Variants in NTM observed in about 807,000 individuals in gnomAD.
The protein encoded by NTM is IgLON family member 2.
Under a neutral mutation model 42.1 loss-of-function variants are expected in NTM, and 13 were observed. The ratio of observed to expected loss-of-function variants is 0.31; its 90% confidence interval spans 0.20 to 0.49. The LOEUF is 0.49. Ranked by LOEUF, NTM falls within the 20% of genes least tolerant of loss-of-function variation. The pLI is 0.99. For missense variants in NTM, 373 were observed against 452.8 expected, an observed-to-expected ratio of 0.82 and a Z score of 1.60; for synonymous variants, 187 against 179.2, an observed-to-expected ratio of 1.04 and a Z score of -0.35.
intron 2 of NTM, among the ~76,000 whole-genome samples, chr11:131,949,164 C>G (rs943027267): frequency 6.6e-6 from 1 of 152,212 alleles, no homozygotes; most frequent in Admixed American, 6.5e-5. Context: ...AGATTTCTTT[C>G]TCAGTTAAGA....
rs188021425 is a variant in NTM at position 132,013,329 on chromosome 11, C to A, written c.167+101681C>A. Among the ~76,000 whole-genome samples the A allele has an allele frequency of 1.0e-3, 154 of 152,172 alleles. 2 individuals are homozygous for A. Among genetic ancestry groups the A allele is most frequent in the Admixed American group, 8.1e-3 (124 of 15,280 alleles). On this transcript the variant is annotated intron_variant, in intron 2 of 8. Transcript: ENST00000683400. ...TATTAAATAAGAACTGAAAAGAAGC[C>A]GTTAAATGTTGTGCTTAGAGAGTCA...
chr11:131,977,657 G>C (rs970815002), intron 2 of NTM, among the ~76,000 whole-genome samples: 1 of 152,152 alleles, frequency 6.6e-6, no homozygotes, highest in Non-Finnish European at 1.5e-5. Context: ...TAGCTGGTAA[G>C]GGCTAGGATT....
chr11:132,027,353 A>G (rs2075322400), intron 2 of NTM, among the ~76,000 whole-genome samples: 1 of 152,244 alleles, frequency 6.6e-6, no homozygotes, highest in South Asian at 2.1e-4. Context: ...CAATTTATGT[A>G]GATCAGAATT....
intron 1 of NTM, among the ~76,000 whole-genome samples, chr11:131,707,498 T>G (rs1319165132): frequency 6.6e-6 from 1 of 152,128 alleles, no homozygotes; most frequent in African/African-American, 2.4e-5. Flanking sequence ...TCAATTCCTG[T>G]GGATATATTC....
At chr11:132,215,649 C>G (rs971386463) in intron 4 of NTM, among the ~76,000 whole-genome samples, 1 of 152,188 alleles carries the variant, frequency 6.6e-6, no homozygotes, top group Non-Finnish European at 1.5e-5. Flanking sequence ...AAGGCCACCT[C>G]TTGGCACTTC....
At chr11:131,404,638 G>T (rs774037100) in intron 1 of NTM, among the ~76,000 whole-genome samples, 2 of 152,072 alleles carry the variant, frequency 1.3e-5, no homozygotes, top group African/African-American at 2.4e-5. Context: ...ATGTGATTTT[G>T]TTCATTGGTT....
chr11:132,111,738 G>A (rs1449430377), intron 2 of NTM, among the ~76,000 whole-genome samples: 2 of 152,212 alleles, frequency 1.3e-5, no homozygotes, highest in African/African-American at 2.4e-5. Flanking sequence ...CAGATTCATC[G>A]CACCAAATGA....
intron 1 of NTM, among the ~76,000 whole-genome samples, chr11:131,452,765 G>T (rs1950576597): frequency 1.3e-5 from 2 of 152,204 alleles, no homozygotes; most frequent in South Asian, 4.1e-4. Flanking sequence ...CCCTTCTCCT[G>T]CAGTGCAGAC....
chr11:132,149,154 A>G (rs907845227), intron 3 of NTM, among the ~76,000 whole-genome samples: 3 of 151,712 alleles, frequency 2.0e-5, no homozygotes, highest in Non-Finnish European at 4.4e-5. Flanking sequence ...CCCTCTTCAA[A>G]GCGATCAGAC....
intron 1 of NTM, among the ~76,000 whole-genome samples, chr11:131,564,634 C>T (rs932516518): frequency 2.6e-5 from 4 of 152,222 alleles, no homozygotes; most frequent in African/African-American, 9.6e-5. Flanking sequence ...ATCAAGGTAA[C>T]AAATATATCC....
At chr11:132,245,554 C>A (rs1479300846) in intron 4 of NTM, among the ~76,000 whole-genome samples, 1 of 152,086 alleles carries the variant, frequency 6.6e-6, no homozygotes, top group Non-Finnish European at 1.5e-5. Context: ...GAGGAGAGAG[C>A]ACGATGGAGG....
At chr11:132,021,641 T>C (rs77345895) in intron 2 of NTM, among the ~76,000 whole-genome samples, 3,927 of 152,310 alleles carry the variant, frequency 0.026, 176 homozygotes, top group African/African-American at 0.088. Context: ...TTTTTTGATG[T>C]TTTTAAATTT....
chr11:131,903,190 T>C (rs552399735), intron 1 of NTM, among the ~76,000 whole-genome samples: 3 of 152,272 alleles, frequency 2.0e-5, no homozygotes, highest in South Asian at 4.1e-4. Flanking sequence ...ACCAGTCCAA[T>C]AGATCTCTAA....
chr11:131,832,781 T>A (rs977387840), intron 1 of NTM, among the ~76,000 whole-genome samples: 1 of 152,236 alleles, frequency 6.6e-6, no homozygotes, highest in Non-Finnish European at 1.5e-5. Context: ...TATGTGTATA[T>A]GTATGTACGT....
chr11:131,530,807 G>C (rs2051156001), intron 1 of NTM, among the ~76,000 whole-genome samples: 1 of 152,214 alleles, frequency 6.6e-6, no homozygotes, highest in African/African-American at 2.4e-5. Flanking sequence ...AAGAGTTAAT[G>C]ATTAGACTAG....
chr11:131,986,807 A>G (rs896198386), intron 2 of NTM, among the ~76,000 whole-genome samples: 8 of 152,214 alleles, frequency 5.3e-5, no homozygotes, highest in South Asian at 2.1e-4. Context: ...AGGGGGTTCA[A>G]TAAGTATTCA....
At chr11:132,255,869 C>T (rs1232389550) in intron 4 of NTM, among the ~76,000 whole-genome samples, 1 of 152,132 alleles carries the variant, frequency 6.6e-6, no homozygotes, top group African/African-American at 2.4e-5. Flanking sequence ...CTCACCTCTA[C>T]ACCCAGGAAG....
At chr11:131,464,905 A>T (rs1056427953) in intron 1 of NTM, among the ~76,000 whole-genome samples, 11 of 151,822 alleles carry the variant, frequency 7.2e-5, no homozygotes, top group African/African-American at 2.7e-4. Flanking sequence ...GCTGGACAAG[A>T]CCCCCTGTTT....
At position 131,651,778 on chromosome 11, in the gene NTM, C is replaced by T. The variant is rs909324564; in HGVS notation, c.83-259786C>T. Among the ~76,000 whole-genome samples the T allele has an allele frequency of 1.3e-5, 2 of 152,114 alleles. 1 individual carries two copies. The highest frequency in any genetic ancestry group is 3.9e-4 in the East Asian group (2 of 5,156). On this transcript the variant is annotated intron_variant, in intron 1 of 8. Coordinates refer to ENST00000683400, the MANE Select transcript of NTM (RefSeq NM_001352005.2). ...ATCGCTTGAACGCAGGAGGCGGAGG[C>T]TGCAGTGAGCTGAGATCACGCCACT... is the stretch of plus-strand genomic sequence containing the variant.
Sources: gnomAD v4.1 joint callset for allele counts (sites outside exome capture counted in the v4.1 genomes callset) on GRCh38, gnomAD v4.1.1 for gene constraint, MANE v1.5 for transcripts, NCBI Gene and HGNC (gene_info 2026-07-23, HGNC 2026-07-21) for gene names.